CTIF: variants seen among roughly 807,000 people sequenced by gnomAD.
CTIF encodes the protein CBP80/20-dependent translation initiation factor.
CTIF carries 21 observed loss-of-function variants against 66.0 expected under a neutral mutation model. The observed-to-expected ratio is 0.32, with a 90% CI of 0.23 to 0.46. CTIF has a LOEUF of 0.46. Among genes scored for constraint, CTIF ranks in the 20% least tolerant of loss-of-function variants. CTIF has a pLI of 1.00. For synonymous variants in CTIF, 345 were observed against 326.4 expected (o/e 1.06, Z -0.62); for missense variants, 739 against 812.7 (o/e 0.91, Z 1.10).
chr18:48,739,696 C>T (rs1465989687), intron 7 of CTIF, among the ~76,000 whole-genome samples: 9 of 152,230 alleles, frequency 5.9e-5, no homozygotes, highest in African/African-American at 1.7e-4. Context: ...TGGCGGGGCC[C>T]TTCCCAGGGG....
rs548686179 is a variant in CTIF, at chr18:48,832,944, AGG to A, written c.1527+15569_1527+15570del. On this transcript the variant is annotated intron_variant, in intron 10 of 11. Coordinates refer to ENST00000256413, the MANE Select transcript of CTIF (RefSeq NM_014772.3). ...AGGAAGTGCTGAGTCTGGGGGGCGGAGGTGGTAGGGAATGAATTAGTCTGCCG... is the reference window on the plus strand; with the variant it reads ...AGGAAGTGCTGAGTCTGGGGGGCGGATGGTAGGGAATGAATTAGTCTGCCG... Among the ~76,000 whole-genome samples the A allele has an allele frequency of 9.9e-5, 15 of 152,224 alleles. No homozygotes were observed. In the East Asian group the frequency reaches 2.7e-3, roughly 27 times the overall value.
chr18:48,770,812 T>G (rs1382381987), intron 9 of CTIF, among the ~76,000 whole-genome samples: 1 of 152,212 alleles, frequency 6.6e-6, no homozygotes, highest in Admixed American at 6.5e-5. Flanking sequence ...ATGATTGGGT[T>G]GTGGTAGAGC....
chr18:48,723,196 G>A (rs2092356629), intron 7 of CTIF, among the ~76,000 whole-genome samples: 1 of 152,072 alleles, frequency 6.6e-6, no homozygotes, highest in East Asian at 1.9e-4. Flanking sequence ...GCCCCTCCCT[G>A]GCTGCCTCCT....
chr18:48,559,057 G>C (rs1450519229), intron 1 of CTIF, among the ~76,000 whole-genome samples: 1 of 152,188 alleles, frequency 6.6e-6, no homozygotes, highest in Non-Finnish European at 1.5e-5. Context: ...CCGTCTTGTT[G>C]AGTGATGGTG....
At chr18:48,608,571 G>A (rs10438977) in intron 1 of CTIF, among the ~76,000 whole-genome samples, 16,971 of 152,158 alleles carry the variant, frequency 0.11, 1,497 homozygotes, top group African/African-American at 0.25. Context: ...GGGCCGGTCA[G>A]GGTGGCATCT....
At chr18:48,722,497 G>A (rs546154421) in intron 7 of CTIF, among the ~76,000 whole-genome samples, 145 of 152,210 alleles carry the variant, frequency 9.5e-4, no homozygotes, top group African/African-American at 3.4e-3. Flanking sequence ...CTAGGATTAA[G>A]GGCATGAGCC....
intron 1 of CTIF, among the ~76,000 whole-genome samples, chr18:48,541,549 G>A (rs142275836): frequency 1.2e-4 from 19 of 152,334 alleles, no homozygotes; most frequent in African/African-American, 4.3e-4. Context: ...AGATGGCCTG[G>A]CTTTCAAGAA....
intron 1 of CTIF, among the ~76,000 whole-genome samples, chr18:48,586,415 C>T (rs1396710326): frequency 2.6e-5 from 4 of 151,944 alleles, no homozygotes; most frequent in African/African-American, 4.8e-5. Flanking sequence ...GGATTACAGG[C>T]GTATGCCACC....
At chr18:48,724,154 T>C (rs2092365590) in intron 7 of CTIF, among the ~76,000 whole-genome samples, 1 of 152,198 alleles carries the variant, frequency 6.6e-6, no homozygotes, top group Non-Finnish European at 1.5e-5. Context: ...GGGTTGCCCA[T>C]TCTTTCCAAG....
chr18:48,854,040 A>G (rs2069268774), intron 10 of CTIF, among the ~76,000 whole-genome samples: 1 of 152,222 alleles, frequency 6.6e-6, no homozygotes, highest in Non-Finnish European at 1.5e-5. Flanking sequence ...AATGCAAAAA[A>G]GAAATGCATA....
intron 7 of CTIF, among the ~76,000 whole-genome samples, chr18:48,754,457 A>G (rs1908145805): frequency 6.6e-6 from 1 of 152,190 alleles, no homozygotes; most frequent in Non-Finnish European, 1.5e-5. Context: ...TCACCCTGAG[A>G]ACTAAGCAAG....
intron 3 of CTIF, among the ~76,000 whole-genome samples, chr18:48,642,637 C>A (rs2090956246): frequency 6.6e-6 from 1 of 152,144 alleles, no homozygotes; most frequent in African/African-American, 2.4e-5. Flanking sequence ...GAACTTTTTT[C>A]TTGTATCTTT....
intron 7 of CTIF, among the ~76,000 whole-genome samples, chr18:48,756,855 G>T (rs1273474069): frequency 6.6e-6 from 1 of 152,026 alleles, no homozygotes; most frequent in East Asian, 1.9e-4. Flanking sequence ...TGCTTAGAAA[G>T]TGTTGTCAGA....
At chr18:48,770,174 C>T (rs1414086628) in intron 9 of CTIF, among the ~76,000 whole-genome samples, 2 of 152,252 alleles carry the variant, frequency 1.3e-5, no homozygotes, top group South Asian at 2.1e-4. Flanking sequence ...GTGCCCAGAA[C>T]AGCAGCATGC....
At chr18:48,675,079 G>A (rs1470226838) in intron 6 of CTIF, among the ~76,000 whole-genome samples, 1 of 151,852 alleles carries the variant, frequency 6.6e-6, no homozygotes, top group South Asian at 2.1e-4. Flanking sequence ...GGAGATGGGG[G>A]GCAGCAGAAG....
intron 6 of CTIF, among the ~76,000 whole-genome samples, chr18:48,696,829 C>T (rs1030834518): frequency 6.6e-6 from 1 of 152,216 alleles, no homozygotes; most frequent in African/African-American, 2.4e-5. Context: ...ACTTGTTACA[C>T]ACAGGGGGCC....
chr18:48,664,675 T>C lies in CTIF; in HGVS notation c.431+124T>C, dbSNP rs1388619666. The C allele has an allele frequency of 1.1e-5, 8 of 744,178 alleles. No homozygotes were observed. The East Asian group carries it at 2.2e-4, about 20-fold the overall frequency. 46.1% of individuals were successfully genotyped at this position (744,178 alleles called of 1,614,324 possible). On this transcript the variant is annotated intron_variant, in intron 5 of 11. Transcript: ENST00000256413. ...AGGTGGCTGATGCCCCGGGATGCTC[T>C]TCTTATGCGTCCCAGAGCTGCAGGC...
chr18:48,736,117 ACCT>A (rs1371008085), intron 7 of CTIF, among the ~76,000 whole-genome samples: 1 of 151,846 alleles, frequency 6.6e-6, no homozygotes, highest in Non-Finnish European at 1.5e-5. Flanking sequence ...GAGCATTCAG[ACCT>A]CCTCTTCTTT....
intron 4 of CTIF, 131 bp from the exon 5 acceptor site, chr18:48,664,316 G>A (rs1424104536): frequency 5.3e-6 from 4 of 761,792 alleles, no homozygotes; most frequent in Non-Finnish European, 9.0e-6. Flanking sequence ...TCTGAGTGGG[G>A]CTCCCCGCCT....
Sources: allele counts gnomAD v4.1 joint callset (sites outside exome capture counted in the v4.1 genomes callset), GRCh38; gene constraint gnomAD v4.1.1; transcripts MANE v1.5; gene names NCBI Gene and HGNC (gene_info 2026-07-23, HGNC 2026-07-21).